PRELID2: variants seen among roughly 807,000 people sequenced by gnomAD.
PRELID2 encodes PRELI domain-containing protein 2.
PRELID2 carries 25 observed loss-of-function variants against 28.4 expected under a neutral mutation model. The ratio of observed to expected loss-of-function variants is 0.88; its 90% CI spans 0.64 to 1.23. The LOEUF (loss-of-function observed/expected upper bound fraction) is 1.23. Among genes scored for constraint, PRELID2 ranks in the 50% most tolerant of loss-of-function variants. The probability of loss-of-function intolerance (pLI) is 0.00; values close to 1 mark genes in which losing one functional copy is unlikely to be tolerated. For missense variants in PRELID2, 201 were observed against 214.4 expected (o/e 0.94, Z 0.39); for synonymous variants, 76 against 71.6 (o/e 1.06, Z -0.31).
At chr5:145,367,679 A>C in the PRELID2 span, among the ~76,000 whole-genome samples, 4 of 151,668 alleles carry the variant, frequency 2.6e-5, no homozygotes, top group Non-Finnish European at 5.9e-5. Context: ...TGCCTTTTCC[A>C]TAACGTCAAG....
intron 1 of PRELID2, among the ~76,000 whole-genome samples, chr5:145,621,410 T>G (rs1753772063): frequency 6.6e-6 from 1 of 152,036 alleles, no homozygotes; most frequent in African/African-American, 2.4e-5. Context: ...TACAAAGAGA[T>G]TTGACATTCT....
At chr5:145,527,260 A>G (rs2126656880) in intron 1 of PRELID2, among the ~76,000 whole-genome samples, 1 of 152,360 alleles carries the variant, frequency 6.6e-6, no homozygotes, top group South Asian at 2.1e-4. Context: ...ACACATATAT[A>G]CATACACATA....
At chr5:145,296,444 T>G in the PRELID2 span, among the ~76,000 whole-genome samples, 1 of 150,610 alleles carries the variant, frequency 6.6e-6, no homozygotes, top group Admixed American at 6.7e-5. Flanking sequence ...ATGCGGTGTT[T>G]GGTTTTTTGT....
At chr5:145,554,518 A>C (rs994017961) in intron 1 of PRELID2, among the ~76,000 whole-genome samples, 15 of 152,098 alleles carry the variant, frequency 9.9e-5, no homozygotes, top group African/African-American at 3.6e-4. Flanking sequence ...AAAAGTGAGG[A>C]CCTGGACCAG....
At chr5:145,540,459 G>A (rs551044214) in intron 1 of PRELID2, among the ~76,000 whole-genome samples, 2 of 151,996 alleles carry the variant, frequency 1.3e-5, no homozygotes, top group South Asian at 4.1e-4. Context: ...AAATTATGGT[G>A]TGTCCATCCA....
Position 145,810,809 on chromosome 5 carries a change from C to G in PRELID2, c.368+7085G>C, listed in dbSNP as rs377454167. On this transcript the variant is annotated intron_variant, in intron 4 of 6. Coordinates refer to ENST00000683046, the MANE Select transcript of PRELID2 (RefSeq NM_205846.3). Reference sequence around the variant, plus strand: ...ACCCTCTGGGAAAGGGTTATCACTCCCATCATACAGATGAAGAAACCGAGG... The same window carrying G: ...ACCCTCTGGGAAAGGGTTATCACTCGCATCATACAGATGAAGAAACCGAGG... Among the ~76,000 whole-genome samples, 38 of 152,176 alleles carry G rather than the reference C, an allele frequency of 2.5e-4. No individual in the cohort carries two copies. The East Asian group carries it at 4.1e-3, about 16-fold the overall frequency.
intron 5 of PRELID2, 126 bp downstream of exon 5, chr5:145,796,316 C>T: frequency 2.0e-6 from 1 of 491,696 alleles, no homozygotes; most frequent in Non-Finnish European, 3.5e-6. Context: ...ATTATTTTTG[C>T]ATATATTTGT....
the PRELID2 span, among the ~76,000 whole-genome samples, chr5:145,309,595 T>C: frequency 1.3e-5 from 2 of 152,246 alleles, no homozygotes; most frequent in African/African-American, 2.4e-5. Flanking sequence ...AATTCCCTTT[T>C]ATTTGATTCT....
At chr5:145,255,532 G>A in the PRELID2 span, among the ~76,000 whole-genome samples, 1 of 151,972 alleles carries the variant, frequency 6.6e-6, no homozygotes, top group African/African-American at 2.4e-5. Flanking sequence ...CCAATGCTTT[G>A]GGAGGCAGAG....
At chr5:145,655,253 C>T (rs370349879) in intron 1 of PRELID2, among the ~76,000 whole-genome samples, 4 of 151,858 alleles carry the variant, frequency 2.6e-5, no homozygotes, top group East Asian at 1.9e-4. Flanking sequence ...TAAAAGAGGA[C>T]ACAAACAAAT....
At chr5:145,709,970 C>T (rs1755650097) in intron 1 of PRELID2, among the ~76,000 whole-genome samples, 1 of 152,044 alleles carries the variant, frequency 6.6e-6, no homozygotes, top group Admixed American at 6.5e-5. Flanking sequence ...GAAGCGAGAT[C>T]TAATATTTAA....
chr5:145,680,899 G>A (rs1407102295), intron 1 of PRELID2, among the ~76,000 whole-genome samples: 5 of 152,148 alleles, frequency 3.3e-5, no homozygotes, highest in African/African-American at 4.8e-5. Flanking sequence ...GTCATGTTCC[G>A]ACACTCAGCA....
At chr5:145,681,362 T>C (rs1347442710) in intron 1 of PRELID2, among the ~76,000 whole-genome samples, 1 of 152,206 alleles carries the variant, frequency 6.6e-6, no homozygotes, top group Non-Finnish European at 1.5e-5. Context: ...TGGTTGTTTG[T>C]CTTCTCTCTC....
chr5:145,695,717 G>C (rs956502970), intron 1 of PRELID2, among the ~76,000 whole-genome samples: 1 of 152,158 alleles, frequency 6.6e-6, no homozygotes, highest in Non-Finnish European at 1.5e-5. Context: ...CCCTGCTTAG[G>C]TGGGCCCTTC....
chr5:145,832,431 C>T (rs535770141), intron 1 of PRELID2, among the ~76,000 whole-genome samples: 209 of 152,236 alleles, frequency 1.4e-3, no homozygotes, highest in Non-Finnish European at 1.9e-3. Context: ...GTGATCCGCC[C>T]GCCTCGGCCT....
intron 5 of PRELID2, among the ~76,000 whole-genome samples, chr5:145,776,822 T>C (rs528277747): frequency 6.6e-6 from 1 of 152,372 alleles, no homozygotes; most frequent in African/African-American, 2.4e-5. Flanking sequence ...GGATATTCGT[T>C]GTATGATTTG....
intron 1 of PRELID2, among the ~76,000 whole-genome samples, chr5:145,708,494 T>C (rs1185394325): frequency 1.0e-5 from 1 of 97,934 alleles, no homozygotes; most frequent in Non-Finnish European, 2.0e-5. Context: ...AATTGTATTG[T>C]TTTTTTCTTG....
chr5:145,415,797 C>G, the PRELID2 span, among the ~76,000 whole-genome samples: 20 of 152,072 alleles, frequency 1.3e-4, no homozygotes, highest in African/African-American at 3.9e-4. Context: ...TATATACCCA[C>G]TAATGAGATG....
chr5:145,508,672 C>G (rs1752434307), intron 1 of PRELID2, among the ~76,000 whole-genome samples: 1 of 152,168 alleles, frequency 6.6e-6, no homozygotes, highest in East Asian at 1.9e-4. Flanking sequence ...ATGGTCCTGA[C>G]TCACTTGCTC....
Sources: gnomAD v4.1 joint callset for allele counts (sites outside exome capture counted in the v4.1 genomes callset) on GRCh38, gnomAD v4.1.1 for gene constraint, MANE v1.5 for transcripts, NCBI Gene and HGNC (gene_info 2026-07-23, HGNC 2026-07-21) for gene names.